The following HPSE2 variants were observed in gnomAD, a reference collection of about 807,000 sequenced individuals.
The protein encoded by HPSE2 is heparanase 2 (inactive).
A neutral mutation model predicts 60.5 loss-of-function variants in HPSE2; 38 were observed. The observed-to-expected ratio is 0.63, with a 90% CI of 0.48 to 0.82. HPSE2 has a LOEUF of 0.82. Ranked by LOEUF, HPSE2 falls within the 40% of genes least tolerant of loss-of-function variation. The probability of loss-of-function intolerance (pLI) is 0.00; values close to 1 mark genes in which losing one functional copy is unlikely to be tolerated. For missense variants in HPSE2, 713 were observed against 740.4 expected, an observed-to-expected ratio of 0.96 and a Z score of 0.43; for synonymous variants, 295 against 293.2, an observed-to-expected ratio of 1.01 and a Z score of -0.06.
Position 98,744,914 on chromosome 10 carries a change from C to T in HPSE2, c.611-858G>A, listed in dbSNP as rs149545685. Among the ~76,000 whole-genome samples, 558 of 152,296 alleles carry T rather than the reference C, an allele frequency of 3.7e-3. 2 individuals are homozygous for T. Among genetic ancestry groups the T allele is most frequent in the African/African-American group, 0.013 (533 of 41,564 alleles). On this transcript the variant is annotated intron_variant, in intron 3 of 11. Coordinates refer to ENST00000370552, the MANE Select transcript of HPSE2 (RefSeq NM_021828.5). Reference sequence around the variant, plus strand: ...AATACTATGACCACTACTACAAATACGTTCATTGCCGGGCGTGGTGGCTCA... The same window carrying T: ...AATACTATGACCACTACTACAAATATGTTCATTGCCGGGCGTGGTGGCTCA...
At chr10:99,044,885 C>A (rs1401210260) in intron 3 of HPSE2, among the ~76,000 whole-genome samples, 3 of 152,064 alleles carry the variant, frequency 2.0e-5, no homozygotes, top group East Asian at 1.9e-4. Context: ...TCTTGGCCCA[C>A]AAAAAGACTT....
chr10:98,889,359 CTT>C (rs1433846267), intron 3 of HPSE2, among the ~76,000 whole-genome samples: 3 of 149,320 alleles, frequency 2.0e-5, no homozygotes, highest in Non-Finnish European at 4.4e-5. Flanking sequence ...TTCTCTCTCT[CTT>C]TTCTTTTTTT....
At chr10:98,975,981 C>T (rs947040401) in intron 3 of HPSE2, among the ~76,000 whole-genome samples, 4 of 152,284 alleles carry the variant, frequency 2.6e-5, no homozygotes, top group African/African-American at 9.6e-5. Context: ...TTTCCCCGCT[C>T]ATAACAAGGT....
chr10:99,021,858 C>G (rs1455518894), intron 3 of HPSE2, among the ~76,000 whole-genome samples: 2 of 151,082 alleles, frequency 1.3e-5, no homozygotes, highest in African/African-American at 4.9e-5. Context: ...TTCATGAGAA[C>G]CAAAAATCAG....
chr10:98,526,389 T>G (rs1307494100), intron 9 of HPSE2, among the ~76,000 whole-genome samples: 1 of 152,214 alleles, frequency 6.6e-6, no homozygotes, highest in East Asian at 1.9e-4. Flanking sequence ...ATCATATTAT[T>G]AGATGTATCA....
chr10:99,151,670 T>A (rs1280928533), intron 2 of HPSE2, among the ~76,000 whole-genome samples: 1 of 152,064 alleles, frequency 6.6e-6, no homozygotes, highest in African/African-American at 2.4e-5. Context: ...TTCCTCCAAT[T>A]TGAAACAATG....
intron 9 of HPSE2, among the ~76,000 whole-genome samples, chr10:98,552,166 G>A (rs1192589630): frequency 6.6e-6 from 1 of 152,106 alleles, no homozygotes; most frequent in East Asian, 1.9e-4. Context: ...AATGAATTTA[G>A]TTTTGGGATA....
At chr10:98,843,179 TTCC>T (rs71488871) in intron 3 of HPSE2, among the ~76,000 whole-genome samples, 99,586 of 151,234 alleles carry the variant, frequency 0.66, 33,487 homozygotes, top group South Asian at 0.78. Context: ...CCTGATACTC[TTCC>T]TCCTCCTCCT....
the HPSE2 span, among the ~76,000 whole-genome samples, chr10:99,299,425 G>A: frequency 6.6e-6 from 1 of 152,180 alleles, no homozygotes; most frequent in Non-Finnish European, 1.5e-5. Flanking sequence ...AATTTGGTTG[G>A]TTGGTTTTCA....
intron 6 of HPSE2, among the ~76,000 whole-genome samples, chr10:98,652,067 G>A (rs191422349): frequency 4.0e-4 from 61 of 152,132 alleles, no homozygotes; most frequent in African/African-American, 1.4e-3. Flanking sequence ...CACCACGCTC[G>A]GCCAGAAATA....
chr10:99,144,436 TA>T, intron 2 of HPSE2, 37 bp from the exon 3 acceptor site: 1 of 1,607,548 alleles, frequency 6.2e-7, no homozygotes, highest in Non-Finnish European at 8.5e-7. Flanking sequence ...CAGCAAAAAC[TA>T]AAACAAAACA....
rs562955358 is a variant in HPSE2 at position 98,807,130 on chromosome 10, G to A, written c.611-63074C>T. Among the ~76,000 whole-genome samples, 470 of 152,262 alleles carry A rather than the reference G, an allele frequency of 3.1e-3. 1 individual carries two copies. Among genetic ancestry groups the A allele is most frequent in the African/African-American group, 0.011 (441 of 41,548 alleles). ...TGCACTCCAGCCTGGGCAACAGAGC[G>A]AGACTCCGTCTCAAAAATTAAAAAA... On this transcript the variant is annotated intron_variant, in intron 3 of 11. Coordinates refer to ENST00000370552, the MANE Select transcript of HPSE2 (RefSeq NM_021828.5).
intron 2 of HPSE2, among the ~76,000 whole-genome samples, chr10:99,148,510 G>T (rs546703601): frequency 1.3e-5 from 2 of 152,134 alleles, no homozygotes; most frequent in South Asian, 2.1e-4. Flanking sequence ...GCTGAAACTG[G>T]CCGGGTGCAG....
At chr10:98,611,763 G>C (rs938049328) in intron 9 of HPSE2, among the ~76,000 whole-genome samples, 2 of 152,178 alleles carry the variant, frequency 1.3e-5, no homozygotes, top group Admixed American at 1.3e-4. Flanking sequence ...GAATTTATTA[G>C]TGCAAAGAAA....
At chr10:99,139,292 G>C (rs924034171) in intron 3 of HPSE2, among the ~76,000 whole-genome samples, 1 of 152,034 alleles carries the variant, frequency 6.6e-6, no homozygotes, top group Non-Finnish European at 1.5e-5. Flanking sequence ...GAAGCAGAAG[G>C]GGGAGAAAGG....
chr10:99,035,345 C>A (rs1223507286), intron 3 of HPSE2, among the ~76,000 whole-genome samples: 2 of 152,138 alleles, frequency 1.3e-5, no homozygotes, highest in Admixed American at 6.5e-5. Flanking sequence ...GGATCAAGAT[C>A]ATCAATATCA....
chr10:99,013,025 C>A, intron 3 of HPSE2: 1 of 417,510 alleles, frequency 2.4e-6, no homozygotes. Flanking sequence ...ATATCTAAAT[C>A]TTTAATTGCT....
At chr10:98,843,860 C>T (rs1565204542) in intron 3 of HPSE2, among the ~76,000 whole-genome samples, 1 of 152,178 alleles carries the variant, frequency 6.6e-6, no homozygotes, top group Non-Finnish European at 1.5e-5. Context: ...AAAATTCTGA[C>T]TCTTCTGACT....
intron 3 of HPSE2, among the ~76,000 whole-genome samples, chr10:98,907,978 C>T (rs1953870694): frequency 6.6e-6 from 1 of 151,880 alleles, no homozygotes; most frequent in South Asian, 2.1e-4. Context: ...AAAAAGTTAC[C>T]CTAAAAGTGC....
Sources: gnomAD v4.1 joint callset for allele counts (sites outside exome capture counted in the v4.1 genomes callset) on GRCh38, gnomAD v4.1.1 for gene constraint, MANE v1.5 for transcripts, NCBI Gene and HGNC (gene_info 2026-07-23, HGNC 2026-07-21) for gene names.